The following CLIP4 variants were observed in gnomAD, a reference collection of about 807,000 sequenced individuals.
The protein encoded by CLIP4 is CAP-Gly domain containing linker protein family member 4, also known as CAP-Gly domain-containing linker protein 4.
In CLIP4, 47 loss-of-function variants were observed where a neutral mutation model predicts 73.1. The observed-to-expected ratio is 0.64, with a 90% confidence interval of 0.51 to 0.82. CLIP4 has a LOEUF of 0.82. CLIP4 is among the 40% of genes least tolerant of loss of function. The pLI, the probability that CLIP4 is intolerant of heterozygous loss-of-function variation, is 0.00. For missense variants in CLIP4, 874 were observed against 852.9 expected (o/e 1.02, Z -0.31); for synonymous variants, 306 against 295.4 (o/e 1.04, Z -0.37).
chr2:29,111,751 T>C (rs1021833451), upstream of CLIP4, among the ~76,000 whole-genome samples: 1 of 152,270 alleles, frequency 6.6e-6, no homozygotes, highest in Non-Finnish European at 1.5e-5. Context: ...ATTTTTTCTA[T>C]GGTATTCTTA....
At chr2:29,168,128 A>G (rs1280508144) in intron 14 of CLIP4, among the ~76,000 whole-genome samples, 7 of 152,150 alleles carry the variant, frequency 4.6e-5, no homozygotes, top group Non-Finnish European at 1.0e-4. Context: ...TCACCTCATT[A>G]GTACTTACCT....
chr2:29,116,055 T>C (rs948633823), intron 1 of CLIP4, among the ~76,000 whole-genome samples: 3 of 152,152 alleles, frequency 2.0e-5, no homozygotes, highest in Non-Finnish European at 4.4e-5. Context: ...CCTCTTCCCA[T>C]TTCTCACTTG....
chr2:29,174,239 A>C (rs1668189243), intron 14 of CLIP4, 134 bp from the exon 15 acceptor site: 1 of 790,718 alleles, frequency 1.3e-6, no homozygotes, highest in African/African-American at 1.8e-5. Flanking sequence ...GGTGTGAGCC[A>C]CCATGCCAGC....
At chr2:29,132,076 GT>G in intron 3 of CLIP4, 75 bp from the exon 4 acceptor site, 1 of 1,009,344 alleles carries the variant, frequency 9.9e-7, no homozygotes. Context: ...GACTAACTTG[GT>G]TCCTCAGCAT....
intron 1 of CLIP4, among the ~76,000 whole-genome samples, chr2:29,106,508 C>A (rs773700964): frequency 2.6e-5 from 4 of 152,116 alleles, no homozygotes; most frequent in Non-Finnish European, 5.9e-5. Context: ...GCTTGTATGA[C>A]ACTTGGAGGC....
chr2:29,181,217 A>G (rs755782276), intron 15 of CLIP4, among the ~76,000 whole-genome samples: 1 of 152,234 alleles, frequency 6.6e-6, no homozygotes, highest in Non-Finnish European at 1.5e-5. Flanking sequence ...TATATTTACT[A>G]TTCCTGAAAT....
intron 6 of CLIP4, among the ~76,000 whole-genome samples, chr2:29,141,918 C>T (rs1177719612): frequency 6.6e-6 from 1 of 152,022 alleles, no homozygotes; most frequent in Admixed American, 6.5e-5. Flanking sequence ...AGACTATGTG[C>T]TTATGTATGC....
chr2:29,147,782 G>A (rs796191886), intron 8 of CLIP4, among the ~76,000 whole-genome samples: 39 of 152,230 alleles, frequency 2.6e-4, no homozygotes, highest in African/African-American at 8.9e-4. Flanking sequence ...GTGCTGCAGA[G>A]CACTAGAACT....
At chr2:29,154,518 T>A (rs959588399) in intron 9 of CLIP4, among the ~76,000 whole-genome samples, 6 of 152,166 alleles carry the variant, frequency 3.9e-5, no homozygotes, top group Admixed American at 2.0e-4. Context: ...GTTTTCTCAC[T>A]GCTTGGCCCC....
At chr2:29,165,213 GT>G (rs750265908) in intron 13 of CLIP4, among the ~76,000 whole-genome samples, 7 of 151,658 alleles carry the variant, frequency 4.6e-5, no homozygotes, top group Non-Finnish European at 1.0e-4. Flanking sequence ...CTTTGTAATT[GT>G]TTTTTCTGTA....
At chr2:29,175,620 G>A (rs78783045) in intron 15 of CLIP4, 4 of 152,078 alleles carry the variant, frequency 2.6e-5, no homozygotes, top group African/African-American at 9.7e-5. Context: ...TACACAAGAC[G>A]CTCTGTAGAC....
intron 2 of CLIP4, among the ~76,000 whole-genome samples, chr2:29,126,809 A>G (rs907258646): frequency 1.3e-5 from 2 of 152,224 alleles, no homozygotes; most frequent in Non-Finnish European, 2.9e-5. Context: ...GTTTACATCA[A>G]ATCATCCAGT....
rs563157597 is a variant in CLIP4, at chr2:29,127,483, G to A, written c.134-3775G>A. Among the ~76,000 whole-genome samples, 133 of 152,214 alleles carry A rather than the reference G, an allele frequency of 8.7e-4. 2 individuals carry two copies. Among genetic ancestry groups the A allele is most frequent in the Non-Finnish European group, 1.4e-3 (98 of 68,018 alleles). ...TTCACCAAATTGCTGTAAGTTGTAG[G>A]TCTTAAGGGAAAAGAGAAAAGGCAT... On this transcript the variant is annotated intron_variant, in intron 2 of 15. Coordinates refer to ENST00000320081, the MANE Select transcript of CLIP4 (RefSeq NM_024692.6).
rs746326403 is a variant in CLIP4 at position 29,136,185 on chromosome 2, G to GTT, written c.648+520_648+521dup. On this transcript the variant is annotated intron_variant, in intron 6 of 15. Transcript: ENST00000320081. ...CATAGTCTTCAGATCATTTGTTGTT[G>GTT]TTGTTTTTTTTTTTCAGAAAGTGTT... 8.0e-3 allele frequency among the ~76,000 whole-genome samples: 1,176 copies of GTT among 146,256 alleles called. 18 individuals carry two copies. Among genetic ancestry groups the GTT allele is most frequent in the African/African-American group, 0.028 (1,098 of 39,112 alleles).
chr2:29,170,723 A>C (rs1166134035), intron 14 of CLIP4, among the ~76,000 whole-genome samples: 3 of 152,032 alleles, frequency 2.0e-5, no homozygotes, highest in Non-Finnish European at 4.4e-5. Flanking sequence ...TAGGAGTTTT[A>C]TAGTTTTGTG....
chr2:29,150,727 G>A (rs1378041804), intron 8 of CLIP4, among the ~76,000 whole-genome samples: 2 of 131,698 alleles, frequency 1.5e-5, no homozygotes, highest in African/African-American at 5.7e-5. Flanking sequence ...AGGTTCAAGC[G>A]ATTCTCCTGC....
chr2:29,159,934 G>T (rs149531488), intron 11 of CLIP4, among the ~76,000 whole-genome samples: 11 of 152,364 alleles, frequency 7.2e-5, no homozygotes, highest in African/African-American at 2.6e-4. Flanking sequence ...GAGTTCAATA[G>T]TTGTGGCAGA....
At chr2:29,160,302 C>G in intron 11 of CLIP4, 31 bp from the exon 12 acceptor site, 1 of 1,613,750 alleles carries the variant, frequency 6.2e-7, no homozygotes, top group Non-Finnish European at 8.5e-7. Context: ...TTTTCCTGCC[C>G]TGCCCCTGTA....
chr2:29,099,344 G>A lies in CLIP4; in HGVS notation c.-16+1397G>A, dbSNP rs542289373. Among the ~76,000 whole-genome samples, 26 of 152,198 alleles carry A rather than the reference G, an allele frequency of 1.7e-4. 1 individual carries two copies. The South Asian group carries it at 3.7e-3, about 22-fold the overall frequency. On this transcript the variant is annotated intron_variant, in intron 1 of 14. Coordinates refer to the CLIP4 transcript ENST00000401605. ...GATGTTTTATAGTTTTGAATTTTAC[G>A]TTTATGTCCACGATCCATTTTGAGT...
Sources: gnomAD v4.1 joint callset for allele counts (sites outside exome capture counted in the v4.1 genomes callset) on GRCh38, gnomAD v4.1.1 for gene constraint, MANE v1.5 for transcripts, NCBI Gene and HGNC (gene_info 2026-07-23, HGNC 2026-07-21) for gene names.